Variants in PTPRM observed in about 807,000 individuals in gnomAD.
PTPRM encodes protein tyrosine phosphatase receptor type M.
A neutral mutation model predicts 186.7 loss-of-function variants in PTPRM; 47 were observed. The ratio of observed to expected loss-of-function variants is 0.25; its 90% CI spans 0.20 to 0.32. PTPRM has a LOEUF of 0.32. Among genes scored for constraint, PTPRM ranks in the 10% least tolerant of loss-of-function variants. The pLI, the probability that PTPRM is intolerant of heterozygous loss-of-function variation, is 1.00. For synonymous variants in PTPRM, 668 were observed against 674.9 expected (o/e 0.99, Z 0.16); for missense variants, 1,494 against 1,865.0 (o/e 0.80, Z 3.66).
intron 1 of PTPRM, chr18:7,747,621 G>C (rs1168991202): frequency 6.6e-6 from 1 of 152,128 alleles, no homozygotes; most frequent in Non-Finnish European, 1.5e-5. Context: ...CATCACTCCT[G>C]CCTCTGCCTT....
At chr18:7,829,292 T>C (rs966972758) in intron 2 of PTPRM, among the ~76,000 whole-genome samples, 1 of 152,204 alleles carries the variant, frequency 6.6e-6, no homozygotes, top group Non-Finnish European at 1.5e-5. Context: ...ACATAATAAT[T>C]ACATATTTGC....
intron 7 of PTPRM, among the ~76,000 whole-genome samples, chr18:8,063,400 A>C (rs1490648973): frequency 6.6e-6 from 1 of 151,596 alleles, no homozygotes; most frequent in East Asian, 1.9e-4. Flanking sequence ...TGCAGAAATC[A>C]CCCGTCTTCT....
chr18:7,695,634 G>A (rs926173679), intron 1 of PTPRM, among the ~76,000 whole-genome samples: 1 of 152,132 alleles, frequency 6.6e-6, no homozygotes, highest in Non-Finnish European at 1.5e-5. Context: ...TATTTACATG[G>A]TATTCTTGTT....
At chr18:7,885,808 TG>T (rs2048754865) in intron 2 of PTPRM, among the ~76,000 whole-genome samples, 1 of 151,910 alleles carries the variant, frequency 6.6e-6, no homozygotes. Context: ...TGGAGCAGAG[TG>T]GATTTAGCAT....
chr18:7,633,220 A>G (rs2038233034), intron 1 of PTPRM, among the ~76,000 whole-genome samples: 1 of 152,148 alleles, frequency 6.6e-6, no homozygotes, highest in African/African-American at 2.4e-5. Flanking sequence ...CAAAAATAAG[A>G]GAGTCCAAGG....
chr18:7,658,314 T>G (rs2038898082), intron 1 of PTPRM, among the ~76,000 whole-genome samples: 1 of 139,534 alleles, frequency 7.2e-6, no homozygotes, highest in Non-Finnish European at 1.5e-5. Context: ...TGTGGCTTCC[T>G]AAAATTAAAG....
intron 1 of PTPRM, among the ~76,000 whole-genome samples, chr18:7,579,057 CAT>C (rs2036775397): frequency 6.6e-6 from 1 of 152,118 alleles, no homozygotes; most frequent in African/African-American, 2.4e-5. Context: ...GTATAAGTGA[CAT>C]AGAAGTATGT....
intron 14 of PTPRM, among the ~76,000 whole-genome samples, chr18:8,148,557 T>G (rs372681540): frequency 6.6e-6 from 1 of 152,192 alleles, no homozygotes; most frequent in African/African-American, 2.4e-5. Context: ...GTTATTAGTC[T>G]GGCTCGTGGT....
At chr18:8,184,542 C>T (rs1248720932) in intron 14 of PTPRM, among the ~76,000 whole-genome samples, 1 of 152,126 alleles carries the variant, frequency 6.6e-6, no homozygotes, top group Non-Finnish European at 1.5e-5. Context: ...GAGCCCATAT[C>T]ATAGGCTGAA....
At chr18:7,569,811 C>T (rs1803393916) in intron 1 of PTPRM, among the ~76,000 whole-genome samples, 1 of 152,116 alleles carries the variant, frequency 6.6e-6, no homozygotes, top group Admixed American at 6.5e-5. Flanking sequence ...CCTGATTTTT[C>T]ATTTGGAAGA....
rs2092547106 is a variant in PTPRM, at chr18:8,132,879, C to A, written c.2168-10768C>A. Among the ~76,000 whole-genome samples the A allele has an allele frequency of 2.0e-5, 3 of 152,054 alleles. No homozygotes were observed. In the South Asian group the frequency reaches 6.2e-4, roughly 32 times the overall value. On this transcript the variant is annotated intron_variant, in intron 13 of 32. Coordinates refer to ENST00000580170, the MANE Select transcript of PTPRM (RefSeq NM_001105244.2). ...CTTTTTATCATTGATGAAAGTTTGG[C>A]CAGCAAATTTTCTGGTAAGGATTTT...
At chr18:8,401,665 A>G (rs2095872827) in intron 32 of PTPRM, among the ~76,000 whole-genome samples, 1 of 152,210 alleles carries the variant, frequency 6.6e-6, no homozygotes, top group Non-Finnish European at 1.5e-5. Flanking sequence ...CGCCAGCCTG[A>G]GTTCCTTAGA....
chr18:7,693,120 A>G (rs1036803311), intron 1 of PTPRM, among the ~76,000 whole-genome samples: 2 of 152,198 alleles, frequency 1.3e-5, no homozygotes, highest in Non-Finnish European at 2.9e-5. Flanking sequence ...TGTGGCTAGC[A>G]GGCCGAGTTG....
intron 2 of PTPRM, among the ~76,000 whole-genome samples, chr18:7,873,484 A>G: frequency 6.6e-6 from 1 of 152,236 alleles, no homozygotes; most frequent in East Asian, 1.9e-4. Flanking sequence ...TAAAATGACA[A>G]TACTTCTCTC....
At chr18:8,069,346 C>A (rs1200418423) in intron 7 of PTPRM, among the ~76,000 whole-genome samples, 2 of 152,162 alleles carry the variant, frequency 1.3e-5, no homozygotes, top group Non-Finnish European at 2.9e-5. Context: ...GAGCTCCAAA[C>A]ATCATATCCT....
intron 2 of PTPRM, among the ~76,000 whole-genome samples, chr18:7,789,134 C>A (rs1057163466): frequency 6.6e-6 from 1 of 152,062 alleles, no homozygotes; most frequent in East Asian, 1.9e-4. Flanking sequence ...CCTGTCTGGG[C>A]AACATAGCAA....
intron 14 of PTPRM, 57 bp from the exon 15 acceptor site, chr18:8,244,001 C>T: frequency 6.6e-7 from 1 of 1,514,192 alleles, no homozygotes; most frequent in Non-Finnish European, 9.0e-7. Context: ...ATATACATGC[C>T]AAAGCTCTGT....
chr18:7,594,358 T>C (rs1024726492), intron 1 of PTPRM, among the ~76,000 whole-genome samples: 1 of 152,070 alleles, frequency 6.6e-6, no homozygotes, highest in Admixed American at 6.5e-5. Flanking sequence ...CAGGTGCCTG[T>C]AATCCTAGCT....
chr18:7,905,926 G>T (rs186253475), intron 3 of PTPRM, among the ~76,000 whole-genome samples: 100 of 152,232 alleles, frequency 6.6e-4, no homozygotes, highest in Non-Finnish European at 6.0e-4. Context: ...GAATCTTAAC[G>T]TTGTCTCTTG....
Sources: allele counts gnomAD v4.1 joint callset (sites outside exome capture counted in the v4.1 genomes callset), GRCh38; gene constraint gnomAD v4.1.1; transcripts MANE v1.5; gene names NCBI Gene and HGNC (gene_info 2026-07-23, HGNC 2026-07-21).